Variants in PELI3 observed in about 807,000 individuals in gnomAD.
The protein encoded by PELI3 is pellino E3 ubiquitin protein ligase family member 3.
PELI3 carries 19 observed loss-of-function variants against 35.5 expected under a neutral mutation model. The observed-to-expected ratio is 0.54, with a 90% CI of 0.37 to 0.79. The LOEUF (loss-of-function observed/expected upper bound fraction) is 0.79, where lower values mean the gene tolerates loss of function less well. PELI3 is among the 30% of genes least tolerant of loss of function. PELI3 has a pLI of 0.00. For synonymous variants in PELI3, 262 were observed against 279.2 expected, an observed-to-expected ratio of 0.94 and a Z score of 0.62; for missense variants, 490 against 661.2, an observed-to-expected ratio of 0.74 and a Z score of 2.84.
At chr11:66,469,000 GA>G (rs1854628188) in intron 3 of PELI3, 96 bp downstream of exon 3, 1 of 593,468 alleles carries the variant, frequency 1.7e-6, no homozygotes, top group Non-Finnish European at 3.1e-6. Context: ...CTACAGATGA[GA>G]AAGCCAAGGC....
intron 7 of PELI3, chr11:66,474,545 A>G (rs1453059403): frequency 6.3e-6 from 1 of 157,838 alleles, no homozygotes; most frequent in Non-Finnish European, 1.4e-5. Flanking sequence ...ACATTGGCCA[A>G]GGAGATGCAA....
At chr11:66,468,312 A>T (rs745739152) in intron 2 of PELI3, 32 bp downstream of exon 2, 2 of 1,425,996 alleles carry the variant, frequency 1.4e-6, no homozygotes, top group South Asian at 3.2e-5. Flanking sequence ...GGGGTGAAGC[A>T]CCAGACACCC....
At position 66,473,307 on chromosome 11, in the gene PELI3, G is replaced by A. The variant is rs766039859; in HGVS notation, c.523G>A (p.Ala175Thr). ...VTDTSPGGGA[A>T]EGPSAQSTIS... is the part of the protein sequence containing the mutation. ...AGACACGTCCCCTGGAGGAGGGGCT[G>A]CCGAGGGCCCTTCTGCCCAGAGCAC... Residue 175 changes from alanine (A) to threonine (T), a missense_variant, in exon 6 of 8, where the codon GCC (alanine) becomes ACC (threonine). Coordinates refer to ENST00000320740, the MANE Select transcript of PELI3 (RefSeq NM_145065.3). This position sits in a 1 kb window ranked among gnomAD's most constrained non-coding sequence, Gnocchi z 5.8. 16 of 1,613,374 alleles carry A rather than the reference G, an allele frequency of 9.9e-6. No homozygotes were observed. In the Admixed American group the frequency reaches 2.7e-4, roughly 27 times the overall value.
intron 7 of PELI3, 155 bp from the exon 8 acceptor site, chr11:66,475,443 C>T (rs1444142320): frequency 5.9e-6 from 4 of 678,052 alleles, no homozygotes; most frequent in South Asian, 4.1e-5. Flanking sequence ...GCCTGGGATG[C>T]ACCTGCCTGC....
intron 2 of PELI3, 150 bp downstream of exon 2, chr11:66,468,430 C>A: frequency 1.4e-6 from 1 of 721,552 alleles, no homozygotes; most frequent in Non-Finnish European, 2.0e-6. Context: ...TGACCAAACC[C>A]ACCTCAATTC....
At position 66,473,053 on chromosome 11, in the gene PELI3, T is replaced by C. The variant is rs112396855; in HGVS notation, c.457-188T>C. Among the ~76,000 whole-genome samples the C allele has an allele frequency of 6.6e-6, 1 of 152,290 alleles. No individual in the cohort carries two copies. Among genetic ancestry groups the C allele is most frequent in the Non-Finnish European group, 1.5e-5 (1 of 68,022 alleles). Reference sequence around the variant, plus strand: ...AGAAGCTGCTCCAGGCCACGGCTTCTTGGACTTGGAGACCCCACCTGGGAG... The same window carrying C: ...AGAAGCTGCTCCAGGCCACGGCTTCCTGGACTTGGAGACCCCACCTGGGAG... On this transcript the variant is annotated intron_variant, in intron 5 of 7. Transcript: ENST00000320740. This position sits in a 1 kb window ranked among gnomAD's most constrained non-coding sequence, Gnocchi z 5.8.
chr11:66,474,107 G>GCAGA, intron 7 of PELI3, 182 bp downstream of exon 7: 1 of 804,198 alleles, frequency 1.2e-6, no homozygotes, highest in Non-Finnish European at 2.1e-6. Context: ...CCACAGACAG[G>GCAGA]CAGACAGACC....
Position 66,473,198 on chromosome 11 carries a change from C to T in PELI3, c.457-43C>T. The T allele has an allele frequency of 1.3e-6, 2 of 1,548,916 alleles. No individual in the cohort carries two copies. The highest frequency in any genetic ancestry group is 1.8e-6 in the Non-Finnish European group (2 of 1,139,480). On this transcript the variant is annotated intron_variant, in intron 5 of 7. Coordinates refer to ENST00000320740, the MANE Select transcript of PELI3 (RefSeq NM_145065.3). The surrounding 1 kb of genome is among the most constrained non-coding windows in gnomAD (Gnocchi z 5.8). ...TGGGAGGGAAGGCCCATGAGAGTCC[C>T]CTATGTACATACAGTCCCTGCTTGC... is the stretch of plus-strand genomic sequence containing the variant.
At position 66,477,062 on chromosome 11, in the gene PELI3, C is replaced by G. The variant is rs1321093081; in HGVS notation, c.*895C>G. 1 of 151,964 alleles carries G rather than the reference C, an allele frequency of 6.6e-6. No homozygotes were observed. Among genetic ancestry groups the G allele is most frequent in the Non-Finnish European group, 1.5e-5 (1 of 68,184 alleles). The allele number at this position is 151,964 out of a possible 1,614,324, so 9.4% of individuals were successfully genotyped here. A position where few individuals can be genotyped will look rare whatever the true frequency, so the allele number is the denominator to read the frequency against. On this transcript the variant is annotated 3_prime_UTR_variant, in exon 8 of 8. Transcript: ENST00000320740. ...CTCAGGTGTCAGTAAGCCAGAAATC[C>G]AGGGACAGAGTCAGGATGGCTGGAG...
rs766790649 is a variant in PELI3, at chr11:66,473,964, A to G, written c.840+39A>G. ...TCCATTCCCCACCCCTATCCTTGCC[A>G]GGCCCTCACAAGCTGCCCATCCCCC... On this transcript the variant is annotated intron_variant, in intron 7 of 7. Coordinates refer to ENST00000320740, the MANE Select transcript of PELI3 (RefSeq NM_145065.3). This position sits in a 1 kb window ranked among gnomAD's most constrained non-coding sequence, Gnocchi z 5.8. The G allele has an allele frequency of 6.2e-7, 1 of 1,606,778 alleles. No homozygotes were observed.
chr11:66,473,416 C>G lies in PELI3; in HGVS notation c.632C>G (p.Ser211Cys). ...ARIYAAGFDA[S>C]SNIFLGERAA... is the part of the protein sequence containing the mutation. ...ATCTATGCCGCTGGCTTCGATGCCT[C>G]TAGCAACATCTTCCTTGGAGTGAGT... The change falls in exon 6 of 8, where the codon TCT becomes TGT. Residue 211 changes from serine (S) to cysteine (C), a missense_variant. Around this residue, in one of 3 missense-constraint regions of PELI3, gnomAD observed 349 missense variants for 484.8 expected, o/e 0.72. Coordinates refer to ENST00000320740, the MANE Select transcript of PELI3 (RefSeq NM_145065.3). This position sits in a 1 kb window ranked among gnomAD's most constrained non-coding sequence, Gnocchi z 5.8. 6.2e-7 allele frequency: 1 copy of G among 1,612,562 alleles called. No individual in the cohort carries two copies. The highest frequency in any genetic ancestry group is 1.3e-5 in the African/African-American group (1 of 75,036).
At position 66,467,100 on chromosome 11, in the gene PELI3, G is replaced by A. The variant is rs1323226421; in HGVS notation, c.-2+73G>A. ...CGGCGGGCGCGGGGGGCGTGTTTGC[G>A]TGTCTGGGGGTGGTGGAGGGAGTGG... On this transcript the variant is annotated intron_variant, in intron 1 of 7. Transcript: ENST00000320740. This position sits in a 1 kb window ranked among gnomAD's most constrained non-coding sequence, Gnocchi z 4.2. The A allele has an allele frequency of 1.4e-5, 2 of 147,416 alleles. No homozygotes were observed. The highest frequency in any genetic ancestry group is 4.9e-5 in the African/African-American group (2 of 40,814). 9.1% of individuals were successfully genotyped at this position (147,416 alleles called of 1,614,324 possible).
Position 66,472,490 on chromosome 11 carries a change from C to G in PELI3, c.456+20C>G. 1 of 1,597,970 alleles carries G rather than the reference C, an allele frequency of 6.3e-7. No homozygotes were observed. Among genetic ancestry groups the G allele is most frequent in the Non-Finnish European group, 8.6e-7 (1 of 1,165,382 alleles). On this transcript the variant is annotated intron_variant, in intron 5 of 7. Coordinates refer to ENST00000320740, the MANE Select transcript of PELI3 (RefSeq NM_145065.3). The stretch of plus-strand genomic sequence containing the variant: ...TTCCAGGTATGCTCAGGCCTCTCCA[C>G]ACACCTCCTGGCCACCAGGCCTCTA...
In PELI3 at chr11:66,475,999, C is replaced by T; in HGVS notation, c.1242C>T (p.Ala414=). Residue 414 remains alanine, a synonymous_variant, in exon 8 of 8, where the codon GCC becomes GCT. Coordinates refer to ENST00000320740, the MANE Select transcript of PELI3 (RefSeq NM_145065.3). ...LCLDPGPPSH[A]FAPCGHVCSE... ...TGGACCCTGGGCCGCCTAGCCATGC[C>T]TTTGCACCTTGCGGCCACGTCTGCT... 1.2e-6 allele frequency: 2 copies of T among 1,612,410 alleles called. No individual in the cohort carries two copies. Among genetic ancestry groups the T allele is most frequent in the Non-Finnish European group, 1.7e-6 (2 of 1,179,914 alleles).
upstream of PELI3, chr11:66,466,411 C>T (rs1205887613): frequency 2.0e-5 from 3 of 152,382 alleles, no homozygotes; most frequent in East Asian, 5.8e-4. Flanking sequence ...TTAGCATTTT[C>T]CTCCTCTCCT....
intron 4 of PELI3, among the ~76,000 whole-genome samples, chr11:66,472,116 C>T (rs182065432): frequency 1.3e-5 from 2 of 151,796 alleles, no homozygotes; most frequent in Admixed American, 6.6e-5. Flanking sequence ...TCAAGTGATC[C>T]GCCCACCTCA....
At chr11:66,471,443 C>G in intron 4 of PELI3, 72 bp downstream of exon 4, 1 of 1,564,604 alleles carries the variant, frequency 6.4e-7, no homozygotes, top group Admixed American at 1.8e-5. Flanking sequence ...CCTTCCAGGT[C>G]CTACCTGCCC....
In PELI3 at chr11:66,472,483, C is replaced by T; in HGVS notation, c.456+13C>T. ...AGACATGTTCCAGGTATGCTCAGGC[C>T]TCTCCACACACCTCCTGGCCACCAG... is the stretch of plus-strand genomic sequence containing the variant. On this transcript the variant is annotated intron_variant, in intron 5 of 7. Transcript: ENST00000320740. The T allele has an allele frequency of 2.5e-6, 4 of 1,605,772 alleles. No homozygotes were observed. The highest frequency in any genetic ancestry group is 3.4e-6 in the Non-Finnish European group (4 of 1,172,364).
chr11:66,472,449 T>C lies in PELI3; in HGVS notation c.435T>C (p.Asp145=), dbSNP rs1854757185. ...SHSVIVEYTH[D]SDTDMFQIGR... is the part of the protein sequence containing the mutation. ...CGGTCATAGTGGAGTATACACATGA[T>C]AGCGACACAGACATGTTCCAGGTAT... The change falls in exon 5 of 8, where the codon GAT becomes GAC. Residue 145 remains aspartate (D), a synonymous_variant. Transcript: ENST00000320740. 1.2e-6 allele frequency: 2 copies of C among 1,614,028 alleles called. No homozygotes were observed. The highest frequency in any genetic ancestry group is 8.5e-7 in the Non-Finnish European group (1 of 1,179,910).
Sources: gnomAD v4.1 joint callset for allele counts (sites outside exome capture counted in the v4.1 genomes callset) on GRCh38, gnomAD v4.1.1 for gene constraint, gnomAD v4.1.1 regional missense constraint, Gnocchi (gnomAD v3.1) non-coding constraint, MANE v1.5 for transcripts, NCBI Gene and HGNC (gene_info 2026-07-23, HGNC 2026-07-21) for gene names.